The following MEGF10 variants were observed in gnomAD, a reference collection of about 807,000 sequenced individuals.
The protein encoded by MEGF10 is multiple epidermal growth factor-like domains protein 10.
In MEGF10, 86 loss-of-function variants were observed where a neutral mutation model predicts 147.5. The observed-to-expected ratio is 0.58, with a 90% confidence interval of 0.49 to 0.70. MEGF10 has a LOEUF of 0.70. MEGF10 is among the 30% of genes least tolerant of loss of function. MEGF10 has a pLI of 0.00. For missense variants in MEGF10, 1,329 were observed against 1,487.3 expected (o/e 0.89, Z 1.75); for synonymous variants, 478 against 525.5 (o/e 0.91, Z 1.24).
chr5:127,249,497 G>A, the MEGF10 span, among the ~76,000 whole-genome samples: 1 of 151,854 alleles, frequency 6.6e-6, no homozygotes, highest in South Asian at 2.1e-4. Context: ...ATACAAACAT[G>A]AGATGGAACA....
At chr5:127,322,328 A>G (rs1760821425) in intron 1 of MEGF10, among the ~76,000 whole-genome samples, 1 of 152,032 alleles carries the variant, frequency 6.6e-6, no homozygotes, top group African/African-American at 2.4e-5. Flanking sequence ...GCTTCAAACA[A>G]TCCTGCCTCT....
intron 6 of MEGF10, among the ~76,000 whole-genome samples, chr5:127,397,027 A>G (rs1301345895): frequency 6.6e-6 from 1 of 152,196 alleles, no homozygotes; most frequent in Non-Finnish European, 1.5e-5. Flanking sequence ...TCTAGCAGGC[A>G]AAGAGAGAGA....
chr5:127,351,129 A>G (rs1762072940), intron 4 of MEGF10, among the ~76,000 whole-genome samples: 1 of 152,234 alleles, frequency 6.6e-6, no homozygotes. Flanking sequence ...TACTTTAAAA[A>G]ATAACTAAAA....
At chr5:127,343,950 G>A (rs1426806157) in intron 4 of MEGF10, among the ~76,000 whole-genome samples, 1 of 152,154 alleles carries the variant, frequency 6.6e-6, no homozygotes, top group East Asian at 1.9e-4. Context: ...GAACCATAAG[G>A]ACAGCTTGTA....
chr5:127,290,067 T>G (rs1180690274), upstream of MEGF10, among the ~76,000 whole-genome samples: 1 of 152,172 alleles, frequency 6.6e-6, no homozygotes, highest in African/African-American at 2.4e-5. Context: ...GGTTTTAACA[T>G]TCCATCACTG....
intron 1 of MEGF10, among the ~76,000 whole-genome samples, chr5:127,314,934 T>G (rs1001819127): frequency 6.6e-6 from 1 of 152,178 alleles, no homozygotes; most frequent in African/African-American, 2.4e-5. Context: ...GGGGTGCACT[T>G]AATTTTAAGT....
chr5:127,339,556 A>G (rs1761601155), intron 3 of MEGF10, among the ~76,000 whole-genome samples: 1 of 152,170 alleles, frequency 6.6e-6, no homozygotes, highest in South Asian at 2.1e-4. Flanking sequence ...ATATCTTCGC[A>G]TATGTTTCCA....
intron 1 of MEGF10, among the ~76,000 whole-genome samples, chr5:127,329,943 G>A (rs1397986283): frequency 1.3e-5 from 2 of 152,078 alleles, no homozygotes; most frequent in Non-Finnish European, 2.9e-5. Flanking sequence ...CTAGCATATC[G>A]TATGTGTTCA....
intron 2 of MEGF10, 69 bp downstream of exon 2, chr5:127,331,493 C>G (rs1761260150): frequency 2.4e-6 from 2 of 834,004 alleles, no homozygotes; most frequent in East Asian, 5.1e-5. Context: ...AATTATCAGT[C>G]AGATGTATAA....
chr5:127,331,546 A>AAATCATTAG, intron 2 of MEGF10, 122 bp downstream of exon 2: 1 of 624,860 alleles, frequency 1.6e-6, no homozygotes, highest in South Asian at 2.4e-5. Flanking sequence ...TTTTATGTAA[A>AAATCATTAG]AATCATTAGT....
chr5:127,258,465 AT>A, the MEGF10 span, among the ~76,000 whole-genome samples: 1 of 152,112 alleles, frequency 6.6e-6, no homozygotes, highest in Non-Finnish European at 1.5e-5. Context: ...TAATTATTTG[AT>A]TTTTTTGCTT....
At chr5:127,260,843 G>A in the MEGF10 span, among the ~76,000 whole-genome samples, 1 of 152,192 alleles carries the variant, frequency 6.6e-6, no homozygotes, top group Non-Finnish European at 1.5e-5. Flanking sequence ...CAGTGCTCAG[G>A]AACTTTAGGA....
the MEGF10 span, among the ~76,000 whole-genome samples, chr5:127,230,858 T>C: frequency 2.7e-5 from 4 of 149,210 alleles, no homozygotes; most frequent in Admixed American, 2.0e-4. Flanking sequence ...AATAACCCAA[T>C]AGAACTGTGG....
the MEGF10 span, among the ~76,000 whole-genome samples, chr5:127,242,793 T>C: frequency 6.6e-6 from 1 of 152,114 alleles, no homozygotes; most frequent in African/African-American, 2.4e-5. Flanking sequence ...TGAAAAATGG[T>C]GATGGGTTTT....
chr5:127,402,482 C>T, intron 7 of MEGF10, 64 bp from the exon 8 acceptor site: 1 of 1,543,600 alleles, frequency 6.5e-7, no homozygotes, highest in Non-Finnish European at 8.8e-7. Context: ...TTTTCTTCTT[C>T]ATCCATCAGT....
At chr5:127,396,462 TC>T in intron 5 of MEGF10, 69 bp from the exon 6 acceptor site, 1 of 1,475,924 alleles carries the variant, frequency 6.8e-7, no homozygotes, top group East Asian at 2.4e-5. Flanking sequence ...CAAGCCATTC[TC>T]CCCGAGAGGC....
intron 5 of MEGF10, among the ~76,000 whole-genome samples, chr5:127,393,993 A>T (rs140777087): frequency 6.6e-6 from 1 of 152,132 alleles, no homozygotes; most frequent in African/African-American, 2.4e-5. Flanking sequence ...TATATAAAAC[A>T]TGTTCTGTAA....
At chr5:127,451,752 T>A (rs1766162472) in intron 22 of MEGF10, among the ~76,000 whole-genome samples, 1 of 152,208 alleles carries the variant, frequency 6.6e-6, no homozygotes, top group Non-Finnish European at 1.5e-5. Context: ...CATTGGAAAT[T>A]CTGGATCTTC....
At chr5:127,325,502 C>T (rs1263654291) in intron 1 of MEGF10, among the ~76,000 whole-genome samples, 1 of 152,058 alleles carries the variant, frequency 6.6e-6, no homozygotes, top group African/African-American at 2.4e-5. Context: ...TTAACACCAC[C>T]TATATAATGA....
Sources: allele counts gnomAD v4.1 joint callset (sites outside exome capture counted in the v4.1 genomes callset), GRCh38; gene constraint gnomAD v4.1.1; transcripts MANE v1.5; gene names NCBI Gene and HGNC (gene_info 2026-07-23, HGNC 2026-07-21).